The following EYS variants were observed in gnomAD, a reference collection of about 807,000 sequenced individuals.
EYS encodes EGF-like photoreceptor maintenance factor, also known as protein eyes shut homolog.
Under a neutral mutation model 282.1 loss-of-function variants are expected in EYS, and 250 were observed. That is an observed-to-expected ratio of 0.89 (90% confidence interval 0.80 to 0.98). The LOEUF is 0.98. EYS is among the 50% of genes least tolerant of loss of function. The probability of loss-of-function intolerance (pLI) is 0.00; values close to 1 mark genes in which losing one functional copy is unlikely to be tolerated. For missense variants in EYS, 4,016 were observed against 3,709.0 expected, an observed-to-expected ratio of 1.08 and a Z score of -2.15; for synonymous variants, 1,355 against 1,282.9, an observed-to-expected ratio of 1.06 and a Z score of -1.20.
intron 12 of EYS, among the ~76,000 whole-genome samples, chr6:65,126,412 T>C (rs1283312043): frequency 1.3e-5 from 2 of 152,178 alleles, no homozygotes; most frequent in African/African-American, 2.4e-5. Context: ...TTGACAAATT[T>C]CTGGTTTCTA....
intron 30 of EYS, among the ~76,000 whole-genome samples, chr6:64,285,096 T>G (rs903068679): frequency 6.6e-6 from 1 of 152,202 alleles, no homozygotes; most frequent in African/African-American, 2.4e-5. Flanking sequence ...TTATTTTCTA[T>G]CCCATTGTCA....
chr6:65,416,401 CTCTA>C (rs1440821888), intron 5 of EYS, among the ~76,000 whole-genome samples: 1 of 151,842 alleles, frequency 6.6e-6, no homozygotes, highest in African/African-American at 2.4e-5. Context: ...TCAAAAAAGT[CTCTA>C]TCTCTCTCTC....
rs574049271 is a variant in EYS at position 65,091,641 on chromosome 6, T to G, written c.2024-33914A>C. ...TTAATCTTCACGTAGTTTGAGTTTT[T>G]ATTGTATTTATCTGCTTCATAATTT... is the stretch of plus-strand genomic sequence containing the variant. On this transcript the variant is annotated intron_variant, in intron 12 of 42. Coordinates refer to ENST00000503581, the MANE Select transcript of EYS (RefSeq NM_001142800.2). Among the ~76,000 whole-genome samples the G allele has an allele frequency of 4.6e-5, 7 of 152,250 alleles. 1 individual carries two copies. The South Asian group carries it at 1.5e-3, about 32-fold the overall frequency.
chr6:65,525,156 A>C (rs1367593884), intron 2 of EYS, among the ~76,000 whole-genome samples: 1 of 151,692 alleles, frequency 6.6e-6, no homozygotes, highest in Non-Finnish European at 1.5e-5. Context: ...TTCTAAACCC[A>C]TTTTAAAGTC....
chr6:64,542,197 T>A (rs1764710541), intron 26 of EYS, among the ~76,000 whole-genome samples: 1 of 152,090 alleles, frequency 6.6e-6, no homozygotes, highest in Non-Finnish European at 1.5e-5. Context: ...GAAAAATAGC[T>A]GTCTCATTCA....
At chr6:64,210,769 G>C (rs1765741099) in intron 31 of EYS, among the ~76,000 whole-genome samples, 1 of 152,176 alleles carries the variant, frequency 6.6e-6, no homozygotes, top group African/African-American at 2.4e-5. Context: ...GGGTGTTACA[G>C]AGGAGATTGG....
chr6:64,577,773 A>G (rs1273203287), intron 26 of EYS, among the ~76,000 whole-genome samples: 3 of 152,140 alleles, frequency 2.0e-5, no homozygotes, highest in Non-Finnish European at 4.4e-5. Flanking sequence ...TACACTTATC[A>G]GAGTTTCGCT....
At chr6:65,545,766 A>C (rs1768361061) in intron 2 of EYS, among the ~76,000 whole-genome samples, 1 of 152,186 alleles carries the variant, frequency 6.6e-6, no homozygotes, top group Non-Finnish European at 1.5e-5. Flanking sequence ...AATAGTTAAG[A>C]AAGACCATCA....
chr6:64,501,739 A>G (rs958371896), intron 26 of EYS, among the ~76,000 whole-genome samples: 1 of 152,204 alleles, frequency 6.6e-6, no homozygotes, highest in African/African-American at 2.4e-5. Flanking sequence ...ATGAGGATAA[A>G]TGCAAAGGCC....
At chr6:64,763,144 A>G (rs967026995) in intron 22 of EYS, among the ~76,000 whole-genome samples, 5 of 152,196 alleles carry the variant, frequency 3.3e-5, no homozygotes, top group African/African-American at 1.2e-4. Flanking sequence ...AAATATTACC[A>G]CAGGAATAAA....
At chr6:63,856,880 GAGA>G (rs1366622315) in intron 36 of EYS, among the ~76,000 whole-genome samples, 5 of 152,226 alleles carry the variant, frequency 3.3e-5, no homozygotes, top group Admixed American at 6.5e-5. Context: ...GGTTTTGTTT[GAGA>G]AGGAGTCTAA....
intron 35 of EYS, among the ~76,000 whole-genome samples, chr6:63,937,379 T>C (rs1765097255): frequency 1.3e-5 from 1 of 74,978 alleles, no homozygotes; most frequent in Non-Finnish European, 2.6e-5. Flanking sequence ...TTTTTTTTTT[T>C]TTTTTTTTTT....
intron 26 of EYS, among the ~76,000 whole-genome samples, chr6:64,561,435 C>T (rs531705681): frequency 6.6e-6 from 1 of 152,146 alleles, no homozygotes; most frequent in South Asian, 2.1e-4. Flanking sequence ...CCCATAGTCT[C>T]CACCCAAAAG....
At chr6:64,894,171 C>T (rs540289731) in intron 18 of EYS, among the ~76,000 whole-genome samples, 2 of 152,046 alleles carry the variant, frequency 1.3e-5, no homozygotes, top group South Asian at 4.1e-4. Context: ...AGTTGCATTG[C>T]ATTTGTTTTG....
intron 12 of EYS, among the ~76,000 whole-genome samples, chr6:65,260,155 G>C (rs1767583646): frequency 6.6e-6 from 1 of 152,034 alleles, no homozygotes; most frequent in South Asian, 2.1e-4. Flanking sequence ...CGTGCCTAGT[G>C]AAGGGGGAAG....
chr6:65,198,984 C>T (rs757369465), intron 12 of EYS, among the ~76,000 whole-genome samples: 2 of 152,078 alleles, frequency 1.3e-5, no homozygotes, highest in Middle Eastern at 3.4e-3. Flanking sequence ...AATGGCCTAG[C>T]GTAGCACATG....
At chr6:65,061,283 T>G (rs1173994435) in intron 12 of EYS, among the ~76,000 whole-genome samples, 1 of 152,004 alleles carries the variant, frequency 6.6e-6, no homozygotes, top group Non-Finnish European at 1.5e-5. Flanking sequence ...ATAAGTAGTT[T>G]GAACACATTC....
chr6:64,558,608 T>C (rs1051474824), intron 26 of EYS, among the ~76,000 whole-genome samples: 3 of 152,136 alleles, frequency 2.0e-5, no homozygotes, highest in Admixed American at 6.6e-5. Flanking sequence ...AGAATTCCCA[T>C]CTCCAGGCCA....
intron 32 of EYS, among the ~76,000 whole-genome samples, chr6:64,068,667 A>G (rs1181945915): frequency 6.6e-6 from 1 of 151,802 alleles, no homozygotes; most frequent in African/African-American, 2.4e-5. Flanking sequence ...AAATATATAT[A>G]TATAAAAAGA....
Sources: gnomAD v4.1 joint callset for allele counts (sites outside exome capture counted in the v4.1 genomes callset) on GRCh38, gnomAD v4.1.1 for gene constraint, MANE v1.5 for transcripts, NCBI Gene and HGNC (gene_info 2026-07-23, HGNC 2026-07-21) for gene names.